KCNK9: variants seen among roughly 807,000 people sequenced by gnomAD.
KCNK9 encodes the protein potassium two pore domain channel subfamily K member 9.
Under a neutral mutation model 10.8 loss-of-function variants are expected in KCNK9, and 1 was observed. The observed-to-expected ratio is 0.09, with a 90% CI of 0.03 to 0.44. The LOEUF (loss-of-function observed/expected upper bound fraction) is 0.44, where lower values mean the gene tolerates loss of function less well. Among genes scored for constraint, KCNK9 ranks in the 20% least tolerant of loss-of-function variants. The probability of loss-of-function intolerance (pLI) is 0.97; values close to 1 mark genes in which losing one functional copy is unlikely to be tolerated. For missense variants in KCNK9, 303 were observed against 515.0 expected, an observed-to-expected ratio of 0.59 and a Z score of 3.98; for synonymous variants, 231 against 222.7, an observed-to-expected ratio of 1.04 and a Z score of -0.33.
chr8:139,639,162 G>A (rs1208638639), intron 1 of KCNK9, among the ~76,000 whole-genome samples: 1 of 152,128 alleles, frequency 6.6e-6, no homozygotes, highest in African/African-American at 2.4e-5. Context: ...TGGAGCCTAG[G>A]AGCCAGCTGT....
At position 139,618,581 on chromosome 8, in the gene KCNK9, G is replaced by A. The variant is rs1396413451; in HGVS notation, c.802C>T (p.Arg268Cys). Residue 268 changes from arginine (R) to cysteine (C), a missense_variant, in exon 2 of 2, where the codon CGC (arginine) becomes TGC (cysteine). By Grantham distance (180) the Arg-to-Cys change is radical (BLOSUM62 -3). Transcript: ENST00000520439. The surrounding 1 kb of genome is among the most constrained non-coding windows in gnomAD (Gnocchi z 7.9). ...AEERASLAGN[R>C]NSMVIHIPEE... ...GGGATGTGAATGACCATGCTGTTGCGGTTTCCGGCGAGGGATGCCCTCTCT... is the reference window on the plus strand; with the variant it reads ...GGGATGTGAATGACCATGCTGTTGCAGTTTCCGGCGAGGGATGCCCTCTCT... 9 of 1,613,746 alleles carry A rather than the reference G, an allele frequency of 5.6e-6. No homozygotes were observed. The highest frequency in any genetic ancestry group is 2.2e-5 in the East Asian group (1 of 44,870).
At chr8:139,685,371 T>C (rs1255893548) in intron 1 of KCNK9, among the ~76,000 whole-genome samples, 3 of 152,282 alleles carry the variant, frequency 2.0e-5, no homozygotes, top group South Asian at 4.1e-4. Flanking sequence ...CCATGTTGGT[T>C]TGCTGCACCC....
chr8:139,660,640 A>T, intron 1 of KCNK9, among the ~76,000 whole-genome samples: 1 of 152,126 alleles, frequency 6.6e-6, no homozygotes, highest in East Asian at 1.9e-4. Context: ...AAAAATAAAA[A>T]AAATAAATCT....
intron 1 of KCNK9, among the ~76,000 whole-genome samples, chr8:139,654,261 C>T (rs1368507216): frequency 6.6e-6 from 1 of 152,228 alleles, no homozygotes; most frequent in Non-Finnish European, 1.5e-5. Context: ...ACACAAGCTG[C>T]CAGATCGCTG....
downstream of KCNK9, chr8:139,612,330 G>C (rs1004627018): frequency 2.0e-5 from 3 of 152,230 alleles, no homozygotes; most frequent in Non-Finnish European, 2.9e-5. Flanking sequence ...AGGTCACAAA[G>C]TATAGCCCTT....
chr8:139,684,466 T>G (rs1337618114), intron 1 of KCNK9, among the ~76,000 whole-genome samples: 2 of 152,156 alleles, frequency 1.3e-5, no homozygotes, highest in Non-Finnish European at 2.9e-5. Flanking sequence ...TGTCAAAAAC[T>G]TTCCTAGAAG....
intron 1 of KCNK9, among the ~76,000 whole-genome samples, chr8:139,645,506 T>C (rs940977518): frequency 2.6e-5 from 4 of 152,174 alleles, no homozygotes; most frequent in Non-Finnish European, 5.9e-5. Context: ...TGTCTGTACA[T>C]TGAGGCCGGT....
downstream of KCNK9, among the ~76,000 whole-genome samples, chr8:139,614,493 G>C (rs141345777): frequency 6.6e-6 from 1 of 152,188 alleles, no homozygotes; most frequent in Admixed American, 6.5e-5. Flanking sequence ...GTGGGAGCGC[G>C]CAGATGCTTC....
intron 1 of KCNK9, among the ~76,000 whole-genome samples, chr8:139,659,106 G>A (rs951664137): frequency 4.6e-5 from 7 of 152,212 alleles, no homozygotes; most frequent in Admixed American, 1.3e-4. Flanking sequence ...CTGAGTCTTC[G>A]GGGCTTTGTG....
At chr8:139,672,861 A>T (rs540338673) in intron 1 of KCNK9, among the ~76,000 whole-genome samples, 1 of 152,320 alleles carries the variant, frequency 6.6e-6, no homozygotes, top group Non-Finnish European at 1.5e-5. Flanking sequence ...GCCCCGGGGC[A>T]CCTGCGTGGG....
At chr8:139,603,600 CAG>C (rs1817420868) in intron 2 of KCNK9, among the ~76,000 whole-genome samples, 1 of 152,200 alleles carries the variant, frequency 6.6e-6, no homozygotes, top group Non-Finnish European at 1.5e-5. Flanking sequence ...CAAGAGCAAA[CAG>C]GGTATACGGC....
At chr8:139,614,700 T>C (rs1563714623), downstream of KCNK9, among the ~76,000 whole-genome samples, 1 of 152,218 alleles carries the variant, frequency 6.6e-6, no homozygotes, top group Admixed American at 6.5e-5. Flanking sequence ...CACAGCACTT[T>C]CCACCCAGGA....
Position 139,618,362 on chromosome 8 carries a change from T to C in KCNK9, c.1021A>G (p.Thr341Ala). Residue 341 changes from threonine to alanine, a missense_variant, in exon 2 of 2, where the codon ACA becomes GCA. Physicochemically the swap from Thr to Ala is moderately conservative, Grantham distance 58. Around this residue, in one of 5 missense-constraint regions of KCNK9, gnomAD observed 138 missense variants for 161.1 expected, o/e 0.86. Transcript: ENST00000520439. The surrounding 1 kb of genome is among the most constrained non-coding windows in gnomAD (Gnocchi z 7.9). The part of the protein sequence containing the change: ...SYKIEEISPS[T>A]LKNSLFPSPI... ...GATGGGAAGAGGCTGTTTTTTAATGTGCTTGGTGAGATCTCCTCGATCTTG... is the reference window on the plus strand; with the variant it reads ...GATGGGAAGAGGCTGTTTTTTAATGCGCTTGGTGAGATCTCCTCGATCTTG... The C allele has an allele frequency of 1.2e-6, 2 of 1,614,142 alleles. No homozygotes were observed. The highest frequency in any genetic ancestry group is 8.5e-7 in the Non-Finnish European group (1 of 1,180,024).
intron 1 of KCNK9, among the ~76,000 whole-genome samples, chr8:139,687,354 G>A (rs1031049856): frequency 0.016 from 772 of 48,834 alleles, 14 homozygotes; most frequent in African/African-American, 0.049. Context: ...ATATATATAT[G>A]TATACATATA....
At chr8:139,662,438 C>T (rs1816178894) in intron 1 of KCNK9, among the ~76,000 whole-genome samples, 3 of 152,128 alleles carry the variant, frequency 2.0e-5, no homozygotes, top group South Asian at 4.1e-4. Flanking sequence ...TACATGGCAT[C>T]GACCCTGCTC....
chr8:139,690,560 T>C (rs1045797784), intron 1 of KCNK9, among the ~76,000 whole-genome samples: 3 of 152,218 alleles, frequency 2.0e-5, no homozygotes, highest in African/African-American at 7.2e-5. Context: ...GGTTCAGTGA[T>C]GCTGCCATCC....
At chr8:139,677,709 T>C (rs79828298) in intron 1 of KCNK9, among the ~76,000 whole-genome samples, 2,888 of 41,584 alleles carry the variant, frequency 0.069, 188 homozygotes, top group African/African-American at 0.17. Context: ...TGCAGAGTAA[T>C]ACCTCACATC....
chr8:139,663,697 G>C (rs1345587523), intron 1 of KCNK9, among the ~76,000 whole-genome samples: 3 of 149,474 alleles, frequency 2.0e-5, no homozygotes, highest in African/African-American at 7.5e-5. Context: ...GAGAGAGATA[G>C]AGAGAGAGAA....
intron 1 of KCNK9, among the ~76,000 whole-genome samples, chr8:139,672,988 G>C (rs1028157901): frequency 6.6e-6 from 1 of 152,170 alleles, no homozygotes; most frequent in African/African-American, 2.4e-5. Context: ...GAAGGCGAGA[G>C]GAACAAATAA....
Sources: allele counts gnomAD v4.1 joint callset (sites outside exome capture counted in the v4.1 genomes callset), GRCh38; gene constraint gnomAD v4.1.1; regional missense constraint gnomAD v4.1.1; non-coding constraint Gnocchi (gnomAD v3.1); transcripts MANE v1.5; gene names NCBI Gene and HGNC (gene_info 2026-07-23, HGNC 2026-07-21).